Variants in EPB41L2 observed in about 807,000 individuals in gnomAD.
The protein encoded by EPB41L2 is band 4.1-like protein 2.
Under a neutral mutation model 113.0 loss-of-function variants are expected in EPB41L2, and 43 were observed. That is an observed-to-expected ratio of 0.38 (90% confidence interval 0.30 to 0.49). The LOEUF is 0.49. Among genes scored for constraint, EPB41L2 ranks in the 20% least tolerant of loss-of-function variants. EPB41L2 has a pLI of 0.95. For synonymous variants in EPB41L2, 442 were observed against 436.7 expected, an observed-to-expected ratio of 1.01 and a Z score of -0.15; for missense variants, 1,147 against 1,223.4, an observed-to-expected ratio of 0.94 and a Z score of 0.93.
chr6:130,985,002 C>T (rs528885097), intron 1 of EPB41L2, among the ~76,000 whole-genome samples: 3 of 152,062 alleles, frequency 2.0e-5, no homozygotes, highest in South Asian at 2.1e-4. Flanking sequence ...AATATGCTCT[C>T]GAAGATCTTG....
intron 10 of EPB41L2, among the ~76,000 whole-genome samples, chr6:130,892,422 T>TTTTTTTTTTTTTTTTTTTTTCTTTTTTC (rs59118485): frequency 7.3e-6 from 1 of 136,070 alleles, no homozygotes; most frequent in Non-Finnish European, 1.6e-5. Context: ...TTTTTTTTTT[T>TTTTTTTTTTTTTTTTTTTTTCTTTTTTC]ATCATTATGT....
At chr6:131,013,043 T>C (rs1353070873) in intron 1 of EPB41L2, among the ~76,000 whole-genome samples, 1 of 152,182 alleles carries the variant, frequency 6.6e-6, no homozygotes, top group African/African-American at 2.4e-5. Flanking sequence ...CTCTAAGCTA[T>C]TTCCCCTATC....
intron 1 of EPB41L2, among the ~76,000 whole-genome samples, chr6:130,973,239 T>C (rs1046125259): frequency 2.0e-5 from 3 of 151,216 alleles, no homozygotes; most frequent in African/African-American, 7.3e-5. Context: ...TCTGAAGAGA[T>C]ATTCATCTTT....
intron 1 of EPB41L2, among the ~76,000 whole-genome samples, chr6:130,992,109 A>G (rs1016939921): frequency 1.3e-5 from 2 of 152,212 alleles, no homozygotes; most frequent in African/African-American, 4.8e-5. Flanking sequence ...CTATTCTTAC[A>G]CAAAAGATAT....
In EPB41L2 at chr6:130,904,531, C is replaced by G; in HGVS notation, c.863G>C (p.Trp288Ser). Residue 288 changes from tryptophan (W) to serine (S), a missense_variant, in exon 6 of 20, where the codon TGG becomes TCG. Coordinates refer to ENST00000337057, the MANE Select transcript of EPB41L2 (RefSeq NM_001431.4). ...EIKRQLRNLP[W>S]LFTFNVKFYP... ...AAACTTCACATTAAAAGTGAATAGC[C>G]ATGGAAGGTCTGTAATTATTAAATA... 1.3e-6 allele frequency: 2 copies of G among 1,598,234 alleles called. No individual in the cohort carries two copies. The highest frequency in any genetic ancestry group is 1.7e-6 in the Non-Finnish European group (2 of 1,168,442).
chr6:130,968,817 T>A (rs1378897205), intron 1 of EPB41L2, among the ~76,000 whole-genome samples: 1 of 152,142 alleles, frequency 6.6e-6, no homozygotes, highest in African/African-American at 2.4e-5. Flanking sequence ...AAATAACTAT[T>A]TTTAGGTGGT....
Position 131,048,087 on chromosome 6 carries a change from G to A in EPB41L2, c.-15+15068C>T, listed in dbSNP as rs550812988. Among the ~76,000 whole-genome samples, 185 of 141,796 alleles carry A rather than the reference G, an allele frequency of 1.3e-3. 1 individual carries two copies. Among genetic ancestry groups the A allele is most frequent in the African/African-American group, 4.7e-3 (171 of 36,598 alleles). 93.0% of individuals were successfully genotyped at this position (141,796 alleles called of 152,430 possible). On this transcript the variant is annotated intron_variant, in intron 1 of 19. Coordinates refer to ENST00000337057, the MANE Select transcript of EPB41L2 (RefSeq NM_001431.4). ...TGTGGGGCAGAGGTTGCAGTGAGCCGAGATCGCGCCACTGTACCTCAGGCC... is the reference window on the plus strand; with the variant it reads ...TGTGGGGCAGAGGTTGCAGTGAGCCAAGATCGCGCCACTGTACCTCAGGCC...
At chr6:130,856,045 G>A (rs371550609) in intron 19 of EPB41L2, among the ~76,000 whole-genome samples, 1 of 152,046 alleles carries the variant, frequency 6.6e-6, no homozygotes, top group Non-Finnish European at 1.5e-5. Context: ...CAGATGAGAT[G>A]GGGGAAAGAA....
At chr6:130,857,979 G>A (rs769528533) in intron 19 of EPB41L2, among the ~76,000 whole-genome samples, 152 bp downstream of exon 19, 19 of 152,240 alleles carry the variant, frequency 1.2e-4, no homozygotes, top group Non-Finnish European at 2.2e-4. Flanking sequence ...ATATACACCC[G>A]AGCAGATGCA....
intron 19 of EPB41L2, among the ~76,000 whole-genome samples, chr6:130,847,850 T>C (rs1777497853): frequency 6.6e-6 from 1 of 152,180 alleles, no homozygotes; most frequent in Admixed American, 6.5e-5. Flanking sequence ...CTACAAAATC[T>C]TAAAGCTTCT....
chr6:131,030,301 C>T (rs1280091984), intron 1 of EPB41L2, among the ~76,000 whole-genome samples: 1 of 152,202 alleles, frequency 6.6e-6, no homozygotes, highest in Admixed American at 6.5e-5. Context: ...CTCACCACTG[C>T]CTCTCAGAAA....
chr6:130,880,500 A>T, intron 12 of EPB41L2: 1 of 645,224 alleles, frequency 1.5e-6, no homozygotes, highest in Non-Finnish European at 2.8e-6. Context: ...CTGAAAAGTC[A>T]CACAGCAAAC....
rs531654354 is a variant in EPB41L2 at position 130,920,100 on chromosome 6, T to C, written c.810+6505A>G. 8.5e-5 allele frequency among the ~76,000 whole-genome samples: 13 copies of C among 152,330 alleles called. No homozygotes were observed. In the South Asian group the frequency reaches 2.7e-3, roughly 32 times the overall value. On this transcript the variant is annotated intron_variant, in intron 4 of 19. Transcript: ENST00000337057. ...ATCATCATAGTCACTCTCCTCTTTC[T>C]TCAAACATAACTTCTCTTGGGTTTT...
At chr6:130,851,031 T>C (rs911199107) in intron 19 of EPB41L2, among the ~76,000 whole-genome samples, 1 of 152,230 alleles carries the variant, frequency 6.6e-6, no homozygotes. Context: ...GTGATTAATC[T>C]ATATTGAAAA....
chr6:131,015,733 A>T (rs938806503), intron 1 of EPB41L2: 3 of 152,214 alleles, frequency 2.0e-5, no homozygotes, highest in African/African-American at 4.8e-5. Flanking sequence ...CATTCAACTA[A>T]TATTTATTGT....
At chr6:131,028,433 C>T (rs577510056) in intron 1 of EPB41L2, among the ~76,000 whole-genome samples, 2 of 152,038 alleles carry the variant, frequency 1.3e-5, no homozygotes, top group Non-Finnish European at 2.9e-5. Context: ...GTCTGGTGCT[C>T]GGGACATACT....
At chr6:130,980,689 G>C (rs1779207165) in intron 1 of EPB41L2, among the ~76,000 whole-genome samples, 1 of 152,144 alleles carries the variant, frequency 6.6e-6, no homozygotes, top group African/African-American at 2.4e-5. Flanking sequence ...CACCAGAATG[G>C]AGCTAGGTAA....
chr6:130,968,862 T>C (rs1266100429), intron 1 of EPB41L2, among the ~76,000 whole-genome samples: 1 of 151,996 alleles, frequency 6.6e-6, no homozygotes, highest in Non-Finnish European at 1.5e-5. Context: ...CAGTGAAATG[T>C]ATTTGTTTTT....
At chr6:131,019,581 C>T (rs1465677602) in intron 1 of EPB41L2, among the ~76,000 whole-genome samples, 1 of 152,054 alleles carries the variant, frequency 6.6e-6, no homozygotes, top group Non-Finnish European at 1.5e-5. Flanking sequence ...TACTGCATTC[C>T]TAAATTAGTT....
Sources: allele counts gnomAD v4.1 joint callset (sites outside exome capture counted in the v4.1 genomes callset), GRCh38; gene constraint gnomAD v4.1.1; transcripts MANE v1.5; gene names NCBI Gene and HGNC (gene_info 2026-07-23, HGNC 2026-07-21).